ROBO1: variants seen among roughly 807,000 people sequenced by gnomAD.
ROBO1 encodes the protein roundabout homolog 1.
A neutral mutation model predicts 195.9 loss-of-function variants in ROBO1; 149 were observed. The ratio of observed to expected loss-of-function variants is 0.76; its 90% CI spans 0.67 to 0.87. The LOEUF is 0.87. Among genes scored for constraint, ROBO1 ranks in the 40% least tolerant of loss-of-function variants. The pLI is 0.00. For synonymous variants in ROBO1, 816 were observed against 733.2 expected (o/e 1.11, Z -1.82); for missense variants, 1,933 against 2,068.3 (o/e 0.93, Z 1.27).
intron 3 of ROBO1, chr3:79,018,328 A>T: frequency 1.3e-6 from 2 of 1,556,740 alleles, no homozygotes; most frequent in Non-Finnish European, 1.8e-6. Flanking sequence ...ACCAAAATAC[A>T]CTTCTGGGTT....
intron 2 of ROBO1, among the ~76,000 whole-genome samples, chr3:79,580,898 C>A (rs116381320): frequency 0.019 from 2,904 of 152,174 alleles, 111 homozygotes; most frequent in African/African-American, 0.065. Flanking sequence ...CAAGAATACT[C>A]ATTTTATTTA....
intron 1 of ROBO1, among the ~76,000 whole-genome samples, chr3:79,636,865 G>C (rs2108050276): frequency 6.6e-6 from 1 of 152,220 alleles, no homozygotes; most frequent in Admixed American, 6.5e-5. Flanking sequence ...ATAATAAAAA[G>C]CCGAACTATG....
chr3:78,776,059 G>A (rs2083496746), intron 4 of ROBO1, among the ~76,000 whole-genome samples: 1 of 152,080 alleles, frequency 6.6e-6, no homozygotes. Flanking sequence ...TATATACCAT[G>A]CTATATTTGC....
chr3:78,668,565 G>GC lies in ROBO1; in HGVS notation c.1549-1dup (p.Leu517AlafsTer3). The GC allele has an allele frequency of 6.2e-7, 1 of 1,611,950 alleles. No homozygotes were observed. The highest frequency in any genetic ancestry group is 8.5e-7 in the Non-Finnish European group (1 of 1,178,774). Reference sequence around the variant, plus strand: ...CAGGTGTACCGACCAGTATCACCCAGCTGAGAAGGCAGACAAAAAATAAAT... The same window carrying GC: ...CAGGTGTACCGACCAGTATCACCCAGCCTGAGAAGGCAGACAAAAAATAAAT... On this transcript the variant is annotated frameshift_variant and splice_region_variant. Coordinates refer to ENST00000464233, the MANE Select transcript of ROBO1 (RefSeq NM_002941.4). LOFTEE classifies it high-confidence loss of function.
intron 26 of ROBO1, among the ~76,000 whole-genome samples, chr3:78,625,609 C>T (rs1270802852): frequency 6.6e-6 from 1 of 152,074 alleles, no homozygotes; most frequent in Non-Finnish European, 1.5e-5. Context: ...GGCGTAAAGG[C>T]GAGGGCTGTA....
At chr3:78,880,844 G>C (rs1195912076) in intron 4 of ROBO1, among the ~76,000 whole-genome samples, 1 of 152,110 alleles carries the variant, frequency 6.6e-6, no homozygotes, top group Non-Finnish European at 1.5e-5. Flanking sequence ...GCCCAAACCA[G>C]CTCTGTATCT....
Position 78,717,283 on chromosome 3 carries a change from G to C in ROBO1, c.909C>G (p.Pro303=). The change falls in exon 7 of 31, where the codon CCC becomes CCG. Residue 303 remains proline (P), a synonymous_variant. Coordinates refer to ENST00000464233, the MANE Select transcript of ROBO1 (RefSeq NM_002941.4). The part of the protein sequence containing the change: ...VRWRKDDGEL[P]KSRYEIRDDH... The stretch of plus-strand genomic sequence containing the variant: ...GAAACTCTGATGTGTACCTGGATTT[G>C]GGCAGCTCTCCATCATCTTTCCTCC... The C allele has an allele frequency of 6.4e-7, 1 of 1,571,762 alleles. No individual in the cohort carries two copies. The highest frequency in any genetic ancestry group is 1.2e-5 in the South Asian group (1 of 84,210).
At chr3:78,698,399 A>G (rs183550218) in intron 8 of ROBO1, among the ~76,000 whole-genome samples, 1 of 152,326 alleles carries the variant, frequency 6.6e-6, no homozygotes, top group East Asian at 1.9e-4. Context: ...GCCTGTCATT[A>G]TGTCTTTCAA....
rs2106836510 is a variant in ROBO1 at position 79,408,562 on chromosome 3, G to T, written c.88+181262C>A. ...AGTAACTGCTATAAAAACAGGATTT[G>T]AAAATTGAGAGTGATATGGTGTGCA... On this transcript the variant is annotated intron_variant, in intron 2 of 30. Coordinates refer to ENST00000464233, the MANE Select transcript of ROBO1 (RefSeq NM_002941.4). Among the ~76,000 whole-genome samples the T allele has an allele frequency of 2.0e-5, 3 of 152,124 alleles. No individual in the cohort carries two copies. The Middle Eastern group carries it at 0.01, about 517-fold the overall frequency.
chr3:79,237,204 C>T (rs966648692), intron 2 of ROBO1, among the ~76,000 whole-genome samples: 6 of 152,190 alleles, frequency 3.9e-5, no homozygotes, highest in African/African-American at 9.6e-5. Flanking sequence ...CAAAAATGGC[C>T]GGGCGCGGTG....
At chr3:78,640,596 T>C (rs1041385825) in intron 21 of ROBO1, among the ~76,000 whole-genome samples, 1 of 152,238 alleles carries the variant, frequency 6.6e-6, no homozygotes, top group Non-Finnish European at 1.5e-5. Context: ...GTGTTCATTT[T>C]GTTATTTTTT....
At chr3:79,591,847 G>A (rs903254943) in intron 1 of ROBO1, among the ~76,000 whole-genome samples, 1 of 151,372 alleles carries the variant, frequency 6.6e-6, no homozygotes, top group Non-Finnish European at 1.5e-5. Flanking sequence ...CTTGGTTTCT[G>A]CTTGCCTAAG....
chr3:79,664,478 A>G (rs1466285902), intron 1 of ROBO1, among the ~76,000 whole-genome samples: 1 of 152,032 alleles, frequency 6.6e-6, no homozygotes, highest in Admixed American at 6.6e-5. Flanking sequence ...GCCTTGTCCT[A>G]CATCTTCCCC....
At chr3:79,012,943 T>C (rs1408189400) in intron 3 of ROBO1, among the ~76,000 whole-genome samples, 1 of 152,036 alleles carries the variant, frequency 6.6e-6, no homozygotes, top group East Asian at 1.9e-4. Context: ...AATCAAGAAT[T>C]GTAAAGAATG....
intron 4 of ROBO1, among the ~76,000 whole-genome samples, chr3:78,813,136 G>T (rs1364432050): frequency 6.6e-5 from 10 of 151,902 alleles, no homozygotes; most frequent in African/African-American, 2.4e-4. Flanking sequence ...ATTGCCATAT[G>T]ATCTAATCTT....
Position 78,717,801 on chromosome 3 carries a change from C to G in ROBO1, c.740G>C (p.Gly247Ala). 6.2e-7 allele frequency: 1 copy of G among 1,613,694 alleles called. No individual in the cohort carries two copies. Among genetic ancestry groups the G allele is most frequent in the South Asian group, 1.1e-5 (1 of 91,052 alleles). Residue 247 changes from glycine (G) to alanine (A), a missense_variant, in exon 6 of 31, where the codon GGG (glycine) becomes GCG (alanine). By Grantham distance (60) the Gly-to-Ala change is moderately conservative (BLOSUM62 0). Coordinates refer to ENST00000464233, the MANE Select transcript of ROBO1 (RefSeq NM_002941.4). ...KYVCVGTNMVGERESEVAELT... is the reference protein window; with the variant it reads ...KYVCVGTNMVAERESEVAELT... ...CTCGGCTACTTCACTCTCACGTTCC[C>G]CAACCATATTGGTACCAACACAAAC...
intron 2 of ROBO1, among the ~76,000 whole-genome samples, chr3:79,322,147 C>T (rs1301045998): frequency 3.3e-5 from 5 of 152,256 alleles, no homozygotes; most frequent in African/African-American, 1.2e-4. Context: ...TGCTATCAAT[C>T]AGACTTAACC....
rs532828901 is a variant in ROBO1 at position 78,923,444 on chromosome 3, G to A, written c.499+15157C>T. On this transcript the variant is annotated intron_variant, in intron 4 of 30. Transcript: ENST00000464233. Reference sequence around the variant, plus strand: ...TATCTTCCCTTTCCCCAGGACCAGAGTGACTGTCCATAGAATTGTAGATTG... The same window carrying A: ...TATCTTCCCTTTCCCCAGGACCAGAATGACTGTCCATAGAATTGTAGATTG... 8.5e-5 allele frequency among the ~76,000 whole-genome samples: 13 copies of A among 152,248 alleles called. No homozygotes were observed. The South Asian group carries it at 2.7e-3, about 32-fold the overall frequency.
intron 2 of ROBO1, among the ~76,000 whole-genome samples, chr3:79,303,164 T>A (rs969329706): frequency 6.9e-6 from 1 of 144,114 alleles, no homozygotes; most frequent in Admixed American, 6.9e-5. Flanking sequence ...ACATAGGTTT[T>A]TTTTTTTTTT....
Sources: allele counts gnomAD v4.1 joint callset (sites outside exome capture counted in the v4.1 genomes callset), GRCh38; gene constraint gnomAD v4.1.1; transcripts MANE v1.5; gene names NCBI Gene and HGNC (gene_info 2026-07-23, HGNC 2026-07-21).